CSMD1: variants seen among roughly 807,000 people sequenced by gnomAD.
CSMD1 encodes CUB and Sushi multiple domains 1.
In CSMD1, 213 loss-of-function variants were observed where a neutral mutation model predicts 417.5. The observed-to-expected ratio is 0.51, with a 90% CI of 0.46 to 0.57. CSMD1 has a LOEUF of 0.57. CSMD1 is among the 20% of genes least tolerant of loss of function. CSMD1 has a pLI of 0.00. For synonymous variants in CSMD1, 2,862 were observed against 1,736.8 expected, an observed-to-expected ratio of 1.65 and a Z score of -16.11; for missense variants, 6,923 against 4,529.7, an observed-to-expected ratio of 1.53 and a Z score of -15.17.
intron 3 of CSMD1, among the ~76,000 whole-genome samples, chr8:4,069,335 C>G (rs180856563): frequency 0.011 from 1,675 of 152,290 alleles, 18 homozygotes; most frequent in Non-Finnish European, 0.016. Flanking sequence ...AAAATTCCAA[C>G]TCTTATCTAC....
intron 5 of CSMD1, among the ~76,000 whole-genome samples, chr8:3,821,039 C>G (rs1186236973): frequency 6.6e-6 from 1 of 152,034 alleles, no homozygotes; most frequent in African/African-American, 2.4e-5. Context: ...GCCTCAGCCT[C>G]CCCAGTAGCT....
At chr8:4,656,965 T>C (rs1454748557) in intron 1 of CSMD1, among the ~76,000 whole-genome samples, 1 of 151,476 alleles carries the variant, frequency 6.6e-6, no homozygotes, top group Non-Finnish European at 1.5e-5. Flanking sequence ...GATTCAGAAC[T>C]CACATGAGGC....
rs190958033 is a variant in CSMD1, at chr8:3,529,108, G to A, written c.1345-35382C>T. Among the ~76,000 whole-genome samples the A allele has an allele frequency of 4.6e-5, 7 of 152,264 alleles. No individual in the cohort carries two copies. The East Asian group carries it at 9.7e-4, about 21-fold the overall frequency. The stretch of plus-strand genomic sequence containing the variant: ...GAATATACCGACTTCTTTGAAAAGT[G>A]AACTAATCATTATTTCATTAAAATA... On this transcript the variant is annotated intron_variant, in intron 10 of 69. Transcript: ENST00000635120.
chr8:4,078,431 C>T (rs991855729), intron 3 of CSMD1, among the ~76,000 whole-genome samples: 3 of 150,894 alleles, frequency 2.0e-5, no homozygotes, highest in African/African-American at 7.3e-5. Context: ...TCTCCTGCCT[C>T]AGCCTCTTGA....
chr8:4,163,956 A>T (rs1008050818), intron 3 of CSMD1, among the ~76,000 whole-genome samples: 1 of 152,178 alleles, frequency 6.6e-6, no homozygotes, highest in African/African-American at 2.4e-5. Context: ...AGGCTTCTCA[A>T]ATTAATTTTA....
At chr8:3,195,866 T>C (rs939010793) in intron 33 of CSMD1, among the ~76,000 whole-genome samples, 2 of 152,140 alleles carry the variant, frequency 1.3e-5, no homozygotes, top group African/African-American at 4.8e-5. Context: ...AGGGAAAAAA[T>C]GTAGTCATGG....
intron 26 of CSMD1, among the ~76,000 whole-genome samples, chr8:3,269,290 T>A (rs1356895042): frequency 6.6e-6 from 1 of 152,204 alleles, no homozygotes; most frequent in African/African-American, 2.4e-5. Flanking sequence ...TCTCTGCCAG[T>A]CCCATGAGGA....
intron 10 of CSMD1, among the ~76,000 whole-genome samples, chr8:3,522,537 G>A (rs1025914951): frequency 6.6e-6 from 1 of 152,132 alleles, no homozygotes; most frequent in African/African-American, 2.4e-5. Context: ...AGCCCCCTGA[G>A]TTATAAGTAC....
intron 3 of CSMD1, among the ~76,000 whole-genome samples, chr8:4,278,358 G>T (rs1358447672): frequency 6.6e-6 from 1 of 152,040 alleles, no homozygotes; most frequent in Non-Finnish European, 1.5e-5. Flanking sequence ...AAATTCATAA[G>T]GAAACTGAAA....
intron 2 of CSMD1, among the ~76,000 whole-genome samples, chr8:4,431,975 T>TA (rs1300275083): frequency 1.3e-5 from 2 of 152,204 alleles, no homozygotes; most frequent in African/African-American, 4.8e-5. Flanking sequence ...GGCAGTAACT[T>TA]ACATTTATGC....
intron 40 of CSMD1, among the ~76,000 whole-genome samples, chr8:3,148,489 G>A (rs888799409): frequency 8.5e-5 from 13 of 152,168 alleles, no homozygotes; most frequent in African/African-American, 3.1e-4. Context: ...GCCGAAGTGT[G>A]GTTTGACATT....
intron 2 of CSMD1, among the ~76,000 whole-genome samples, chr8:4,442,695 G>A (rs914678368): frequency 1.3e-5 from 2 of 152,132 alleles, no homozygotes; most frequent in South Asian, 4.1e-4. Context: ...CTCCGAAAAG[G>A]TAGTTCCCCG....
intron 62 of CSMD1, among the ~76,000 whole-genome samples, chr8:2,960,027 A>C (rs1378335440): frequency 6.6e-6 from 1 of 152,204 alleles, no homozygotes; most frequent in Non-Finnish European, 1.5e-5. Context: ...ATGTTGCTAA[A>C]TACAGTCATC....
At chr8:4,579,602 T>G (rs1585279425) in intron 2 of CSMD1, among the ~76,000 whole-genome samples, 1 of 152,182 alleles carries the variant, frequency 6.6e-6, no homozygotes, top group South Asian at 2.1e-4. Context: ...CACCTCATGA[T>G]CCACCAACCT....
At position 3,972,882 on chromosome 8, in the gene CSMD1, ACCATCAAAAT is replaced by A. The variant is rs1327968400; in HGVS notation, c.818+25011_818+25020del. 2.6e-5 allele frequency among the ~76,000 whole-genome samples: 4 copies of A among 152,258 alleles called. No homozygotes were observed. In the East Asian group the frequency reaches 7.7e-4, roughly 29 times the overall value. ...AAAAGAGCAAACGGAAAAAATAAAA[ACCATCAAAAT>A]GTAAAAATGGAAAACAACCTAAATG... is the stretch of plus-strand genomic sequence containing the variant. On this transcript the variant is annotated intron_variant, in intron 5 of 69. Coordinates refer to ENST00000635120, the MANE Select transcript of CSMD1 (RefSeq NM_033225.6).
At chr8:4,756,168 G>T (rs890506201) in intron 1 of CSMD1, among the ~76,000 whole-genome samples, 1 of 152,108 alleles carries the variant, frequency 6.6e-6, no homozygotes, top group Non-Finnish European at 1.5e-5. Flanking sequence ...TTCTATAATT[G>T]CACACACATT....
intron 9 of CSMD1, among the ~76,000 whole-genome samples, chr8:3,584,014 C>A (rs942833781): frequency 3.3e-5 from 5 of 151,984 alleles, no homozygotes; most frequent in Non-Finnish European, 7.4e-5. Flanking sequence ...TAAAACCCAT[C>A]CACTATAAAA....
chr8:3,222,229 C>G (rs1053324868), intron 28 of CSMD1, among the ~76,000 whole-genome samples: 3 of 152,074 alleles, frequency 2.0e-5, no homozygotes, highest in African/African-American at 7.2e-5. Context: ...AAAACCCTTG[C>G]ACAAAACTGC....
At chr8:3,786,271 T>C (rs1030764799) in intron 5 of CSMD1, among the ~76,000 whole-genome samples, 1 of 152,040 alleles carries the variant, frequency 6.6e-6, no homozygotes, top group Non-Finnish European at 1.5e-5. Context: ...AGTGGATACA[T>C]GGGCATGGAG....
Sources: gnomAD v4.1 joint callset for allele counts (sites outside exome capture counted in the v4.1 genomes callset) on GRCh38, gnomAD v4.1.1 for gene constraint, MANE v1.5 for transcripts, NCBI Gene and HGNC (gene_info 2026-07-23, HGNC 2026-07-21) for gene names.